The following XKR9 variants were observed in gnomAD, a reference collection of about 807,000 sequenced individuals.
XKR9 encodes the protein XK related 9, also known as XK-related protein 9.
Under a neutral mutation model 32.0 loss-of-function variants are expected in XKR9, and 32 were observed. That is an observed-to-expected ratio of 1.00 (90% CI 0.76 to 1.34). The LOEUF (loss-of-function observed/expected upper bound fraction) is 1.34. Ranked by LOEUF, XKR9 falls within the 40% of genes most tolerant of loss-of-function variation. The pLI is 0.00. For missense variants in XKR9, 546 were observed against 429.7 expected (o/e 1.27, Z -2.39); for synonymous variants, 168 against 143.4 (o/e 1.17, Z -1.22).
chr8:70,926,999 A>G, the XKR9 span, among the ~76,000 whole-genome samples: 1 of 152,140 alleles, frequency 6.6e-6, no homozygotes, highest in Non-Finnish European at 1.5e-5. Context: ...TCATATGTAT[A>G]AAATAAAATC....
chr8:70,745,788 G>A (rs779513445), intron 2 of XKR9, among the ~76,000 whole-genome samples: 1 of 152,206 alleles, frequency 6.6e-6, no homozygotes, highest in Non-Finnish European at 1.5e-5. Flanking sequence ...CAAGCCAGGA[G>A]AACACCAAAG....
the XKR9 span, among the ~76,000 whole-genome samples, chr8:70,923,317 C>T: frequency 6.6e-6 from 1 of 152,250 alleles, no homozygotes; most frequent in Non-Finnish European, 1.5e-5. Flanking sequence ...ACACTTGGCC[C>T]TTGCCTGTTC....
At chr8:70,896,028 TA>T in the XKR9 span, among the ~76,000 whole-genome samples, 1 of 152,074 alleles carries the variant, frequency 6.6e-6, no homozygotes, top group Non-Finnish European at 1.5e-5. Context: ...GATTTTTTAA[TA>T]TTGAACCAGC....
chr8:70,749,039 A>T (rs1807097915), intron 2 of XKR9, among the ~76,000 whole-genome samples: 1 of 152,136 alleles, frequency 6.6e-6, no homozygotes, highest in Admixed American at 6.5e-5. Context: ...GCTACCCACC[A>T]TGGGTCTCCT....
chr8:70,719,677 G>A (rs1425847109), intron 4 of XKR9, among the ~76,000 whole-genome samples: 1 of 152,102 alleles, frequency 6.6e-6, no homozygotes, highest in Admixed American at 6.6e-5. Context: ...TACCAGTCAT[G>A]TTGTTTTGGT....
chr8:70,790,359 T>C (rs2130268754), exon 4 of XKR9: 1 of 152,202 alleles, frequency 6.6e-6, no homozygotes, highest in East Asian at 1.9e-4. Context: ...GAAGTTAGTT[T>C]CTTTTTCATA....
At chr8:70,698,257 G>T (rs1488052936) in intron 3 of XKR9, among the ~76,000 whole-genome samples, 4 of 151,872 alleles carry the variant, frequency 2.6e-5, no homozygotes, top group Non-Finnish European at 5.9e-5. Context: ...TGCTTTTCTA[G>T]TTCTTTTAAT....
chr8:70,857,626 T>A, the XKR9 span, among the ~76,000 whole-genome samples: 5 of 152,146 alleles, frequency 3.3e-5, no homozygotes, highest in African/African-American at 1.2e-4. Context: ...GAGGCAAGCA[T>A]CATCCTGATA....
chr8:71,053,528 A>C, the XKR9 span, among the ~76,000 whole-genome samples: 1 of 152,246 alleles, frequency 6.6e-6, no homozygotes, highest in Non-Finnish European at 1.5e-5. Flanking sequence ...TTCAGACTGA[A>C]TCTGAAAAAT....
chr8:70,970,103 C>T, the XKR9 span, among the ~76,000 whole-genome samples: 1 of 152,058 alleles, frequency 6.6e-6, no homozygotes, highest in African/African-American at 2.4e-5. Flanking sequence ...CTGAGTAGTA[C>T]TCTTAATATA....
At chr8:71,013,722 T>C in the XKR9 span, among the ~76,000 whole-genome samples, 1 of 152,184 alleles carries the variant, frequency 6.6e-6, no homozygotes, top group African/African-American at 2.4e-5. Flanking sequence ...GGTTACCAAA[T>C]GTGACTGCTT....
chr8:70,882,163 T>C, the XKR9 span, among the ~76,000 whole-genome samples: 1 of 152,018 alleles, frequency 6.6e-6, no homozygotes, highest in African/African-American at 2.4e-5. Flanking sequence ...CTAATGTAAA[T>C]GATGAGTTGA....
intron 4 of XKR9, among the ~76,000 whole-genome samples, chr8:70,725,114 G>A (rs1806418655): frequency 6.6e-6 from 1 of 152,090 alleles, no homozygotes; most frequent in South Asian, 2.1e-4. Context: ...GATCTCATGA[G>A]AACTTACTAT....
At chr8:70,754,713 T>G (rs538381698) in intron 2 of XKR9, among the ~76,000 whole-genome samples, 1 of 150,818 alleles carries the variant, frequency 6.6e-6, no homozygotes, top group African/African-American at 2.4e-5. Flanking sequence ...TAGCCATATG[T>G]AGAAAGCTGA....
intron 3 of XKR9, among the ~76,000 whole-genome samples, chr8:70,702,840 T>C (rs190681310): frequency 5.3e-5 from 8 of 152,278 alleles, no homozygotes; most frequent in African/African-American, 1.9e-4. Context: ...ATCTTGCTTT[T>C]TAAAAATCCA....
chr8:71,060,930 A>G, the XKR9 span, among the ~76,000 whole-genome samples: 1 of 152,184 alleles, frequency 6.6e-6, no homozygotes, highest in Non-Finnish European at 1.5e-5. Flanking sequence ...ACGTAGTTCT[A>G]GTAGTGGTAA....
chr8:70,928,700 G>C, the XKR9 span, among the ~76,000 whole-genome samples: 1 of 152,046 alleles, frequency 6.6e-6, no homozygotes, highest in Non-Finnish European at 1.5e-5. Flanking sequence ...TTTGGTCTTA[G>C]ATGGCCAGAC....
At chr8:70,891,566 A>T in the XKR9 span, among the ~76,000 whole-genome samples, 2 of 151,916 alleles carry the variant, frequency 1.3e-5, no homozygotes, top group Non-Finnish European at 2.9e-5. Flanking sequence ...TTCATAGCAC[A>T]TTGTTTAATT....
At chr8:70,807,905 A>T in the XKR9 span, among the ~76,000 whole-genome samples, 1 of 152,210 alleles carries the variant, frequency 6.6e-6, no homozygotes, top group Admixed American at 6.5e-5. Context: ...GCTCTGGATC[A>T]AGTGGATCTA....
Sources: allele counts gnomAD v4.1 joint callset (sites outside exome capture counted in the v4.1 genomes callset), GRCh38; gene constraint gnomAD v4.1.1; transcripts MANE v1.5; gene names NCBI Gene and HGNC (gene_info 2026-07-23, HGNC 2026-07-21).